The following ARHGEF28 variants were observed in gnomAD, a reference collection of about 807,000 sequenced individuals.
ARHGEF28 encodes the protein 190 kDa guanine nucleotide exchange factor.
Under a neutral mutation model 206.6 loss-of-function variants are expected in ARHGEF28, and 152 were observed. The ratio of observed to expected loss-of-function variants is 0.74; its 90% CI spans 0.64 to 0.84. The LOEUF (loss-of-function observed/expected upper bound fraction) is 0.84, where lower values mean the gene tolerates loss of function less well. ARHGEF28 is among the 40% of genes least tolerant of loss of function. The probability of loss-of-function intolerance (pLI) is 0.00; values close to 1 mark genes in which losing one functional copy is unlikely to be tolerated. For synonymous variants in ARHGEF28, 763 were observed against 776.4 expected, an observed-to-expected ratio of 0.98 and a Z score of 0.29; for missense variants, 2,028 against 2,073.2, an observed-to-expected ratio of 0.98 and a Z score of 0.42.
intron 16 of ARHGEF28, among the ~76,000 whole-genome samples, chr5:73,864,290 G>C (rs2931435): frequency 0.32 from 48,356 of 152,110 alleles, 8,408 homozygotes; most frequent in Admixed American, 0.42. Flanking sequence ...TAAAACAATG[G>C]GCACAGGGCT....
intron 1 of ARHGEF28, among the ~76,000 whole-genome samples, chr5:73,657,943 C>T (rs765305724): frequency 6.6e-6 from 1 of 152,150 alleles, no homozygotes; most frequent in Non-Finnish European, 1.5e-5. Flanking sequence ...ACACTTCAGG[C>T]AAAGATTCTT....
chr5:73,873,990 A>G (rs538352204), intron 22 of ARHGEF28, among the ~76,000 whole-genome samples: 1 of 152,302 alleles, frequency 6.6e-6, no homozygotes, highest in South Asian at 2.1e-4. Context: ...ATTCTCATCA[A>G]CACTGTACAA....
chr5:73,832,558 T>G, intron 10 of ARHGEF28, 99 bp downstream of exon 10: 1 of 1,467,224 alleles, frequency 6.8e-7, no homozygotes, highest in Non-Finnish European at 9.2e-7. Context: ...TTGACAATTT[T>G]AGCCTAAGAG....
intron 4 of ARHGEF28, among the ~76,000 whole-genome samples, chr5:73,767,902 G>C (rs1335963714): frequency 2.0e-5 from 3 of 152,136 alleles, no homozygotes; most frequent in Non-Finnish European, 4.4e-5. Flanking sequence ...CATGGGCTGG[G>C]CCCAGGGTCC....
intron 35 of ARHGEF28, 79 bp downstream of exon 35, chr5:73,911,654 G>T: frequency 7.3e-7 from 1 of 1,364,354 alleles, no homozygotes; most frequent in Non-Finnish European, 9.9e-7. Flanking sequence ...TGTGTAGAGT[G>T]AATCAAAGTC....
At chr5:73,747,065 G>C (rs1580560906) in intron 2 of ARHGEF28, among the ~76,000 whole-genome samples, 1 of 152,202 alleles carries the variant, frequency 6.6e-6, no homozygotes, top group East Asian at 1.9e-4. Flanking sequence ...ATTTTTTCCA[G>C]AAATTTCAGT....
At chr5:73,932,718 A>G (rs546846876) in intron 35 of ARHGEF28, among the ~76,000 whole-genome samples, 3 of 150,308 alleles carry the variant, frequency 2.0e-5, no homozygotes, top group East Asian at 3.9e-4. Context: ...ATTTGACAAT[A>G]TATGTTGAAA....
At chr5:73,643,107 A>G (rs943643703) in intron 1 of ARHGEF28, among the ~76,000 whole-genome samples, 1 of 152,248 alleles carries the variant, frequency 6.6e-6, no homozygotes, top group Admixed American at 6.5e-5. Context: ...TGATTTCTAT[A>G]GTATTATTTA....
intron 23 of ARHGEF28, among the ~76,000 whole-genome samples, 177 bp from the exon 24 acceptor site, chr5:73,883,590 G>C (rs1430337599): frequency 6.6e-6 from 1 of 152,128 alleles, no homozygotes; most frequent in Non-Finnish European, 1.5e-5. Flanking sequence ...TTGGGGTACT[G>C]AAATTTATGA....
chr5:73,752,969 C>T lies in ARHGEF28; in HGVS notation c.242C>T (p.Pro81Leu), dbSNP rs772537381. The stretch of plus-strand genomic sequence containing the variant: ...TGCCTCTGCTCGGAAGGTTACTCTC[C>T]GGTGACCATGGGCTCTGGCTCAGTG... ...SVCLCSEGYS[P>L]VTMGSGSVTY... The change falls in exon 4 of 36, where the codon CCG becomes CTG. Residue 81 changes from proline (P) to leucine (L), a missense_variant. Physicochemically the swap from Pro to Leu is moderately conservative, Grantham distance 98 (BLOSUM62 -3). Coordinates refer to ENST00000513042, the MANE Select transcript of ARHGEF28 (RefSeq NM_001177693.2). The T allele has an allele frequency of 6.2e-6, 10 of 1,613,662 alleles. No individual in the cohort carries two copies. In the East Asian group the frequency reaches 6.7e-5, roughly 11 times the overall value.
intron 7 of ARHGEF28, among the ~76,000 whole-genome samples, chr5:73,786,111 G>A (rs1754142033): frequency 6.7e-6 from 1 of 149,858 alleles, no homozygotes; most frequent in African/African-American, 2.5e-5. Flanking sequence ...CAAGTAGTTT[G>A]CTTGCATTTA....
chr5:73,898,148 C>G, intron 30 of ARHGEF28, 55 bp downstream of exon 30: 1 of 1,581,872 alleles, frequency 6.3e-7, no homozygotes, highest in Admixed American at 1.7e-5. Context: ...CTGGAGCTTA[C>G]AGTGGTCACG....
chr5:73,745,736 A>G (rs1029782146), intron 2 of ARHGEF28, among the ~76,000 whole-genome samples: 7 of 152,052 alleles, frequency 4.6e-5, no homozygotes, highest in Admixed American at 1.3e-4. Flanking sequence ...TGATTGGGTA[A>G]GAGGTGATAT....
At chr5:73,652,606 A>T (rs1357435763) in intron 1 of ARHGEF28, among the ~76,000 whole-genome samples, 1 of 152,246 alleles carries the variant, frequency 6.6e-6, no homozygotes, top group Admixed American at 6.5e-5. Context: ...TTTATGAGTG[A>T]CATGAGGAAA....
At chr5:73,842,159 C>T (rs945504487) in intron 11 of ARHGEF28, among the ~76,000 whole-genome samples, 2 of 152,164 alleles carry the variant, frequency 1.3e-5, no homozygotes, top group African/African-American at 4.8e-5. Context: ...TCCTGTTGAT[C>T]ACACTTTCCT....
At chr5:73,867,777 G>A (rs561908309) in intron 18 of ARHGEF28, 99 bp from the exon 19 acceptor site, 449 of 1,474,328 alleles carry the variant, frequency 3.0e-4, no homozygotes, top group Non-Finnish European at 3.5e-4. Context: ...CAGATTACAA[G>A]TAGTCATTGC....
intron 1 of ARHGEF28, among the ~76,000 whole-genome samples, chr5:73,630,400 C>T (rs989392868): frequency 2.0e-5 from 3 of 152,188 alleles, no homozygotes; most frequent in African/African-American, 7.2e-5. Context: ...CTCTCTACCT[C>T]AGGTTTTTCC....
chr5:73,719,126 C>A (rs1580523255), intron 2 of ARHGEF28, among the ~76,000 whole-genome samples: 1 of 152,288 alleles, frequency 6.6e-6, no homozygotes, highest in African/African-American at 2.4e-5. Flanking sequence ...TTCCAGAAGC[C>A]AGTCAATGTT....
At chr5:73,683,885 T>C (rs1747270014) in intron 1 of ARHGEF28, among the ~76,000 whole-genome samples, 1 of 152,228 alleles carries the variant, frequency 6.6e-6, no homozygotes, top group African/African-American at 2.4e-5. Flanking sequence ...CTTGGCTTTC[T>C]GAAATATTTT....
Sources: allele counts gnomAD v4.1 joint callset (sites outside exome capture counted in the v4.1 genomes callset), GRCh38; gene constraint gnomAD v4.1.1; transcripts MANE v1.5; gene names NCBI Gene and HGNC (gene_info 2026-07-23, HGNC 2026-07-21).